Variants in DSC3 observed in about 807,000 individuals in gnomAD.
The protein encoded by DSC3 is desmocollin-3.
Under a neutral mutation model 89.5 loss-of-function variants are expected in DSC3, and 97 were observed. The ratio of observed to expected loss-of-function variants is 1.08; its 90% CI spans 0.92 to 1.28. The LOEUF (loss-of-function observed/expected upper bound fraction) is 1.28. Among genes scored for constraint, DSC3 ranks in the 50% most tolerant of loss-of-function variants. The pLI is 0.00. For missense variants in DSC3, 1,199 were observed against 1,085.3 expected, an observed-to-expected ratio of 1.10 and a Z score of -1.47; for synonymous variants, 436 against 384.1, an observed-to-expected ratio of 1.14 and a Z score of -1.58.
intron 14 of DSC3, among the ~76,000 whole-genome samples, chr18:31,001,089 G>GTGTATATATATATATATATA (rs141615987): frequency 0.03 from 3,689 of 124,752 alleles, 107 homozygotes; most frequent in East Asian, 0.046. Context: ...TTGTGTGTGT[G>GTGTATATATATATATATATA]TATATATATA....
At position 30,997,769 on chromosome 18, in the gene DSC3, C is replaced by T. The variant is rs117533692; in HGVS notation, c.2236-721G>A. 7.4e-4 allele frequency among the ~76,000 whole-genome samples: 113 copies of T among 152,214 alleles called. 1 individual carries two copies. In the East Asian group the frequency reaches 0.021, roughly 28 times the overall value. On this transcript the variant is annotated intron_variant, in intron 14 of 15. Transcript: ENST00000360428. The stretch of plus-strand genomic sequence containing the variant: ...AGCACAGAAGTAGAGCATTAAAATT[C>T]AAATCCAAACAGGGTAGGTGGAATA...
chr18:31,016,776 C>T (rs746811751), intron 9 of DSC3, among the ~76,000 whole-genome samples: 4 of 152,154 alleles, frequency 2.6e-5, no homozygotes, highest in African/African-American at 9.7e-5. Flanking sequence ...GGGGTAAATA[C>T]CCCAAGTATC....
intron 14 of DSC3, among the ~76,000 whole-genome samples, chr18:31,000,629 T>A (rs545372823): frequency 1.3e-5 from 2 of 152,342 alleles, no homozygotes; most frequent in African/African-American, 4.8e-5. Context: ...CTATTCTAAA[T>A]CAATTTATTT....
chr18:30,999,251 TTAAC>T (rs1349492607), intron 14 of DSC3, among the ~76,000 whole-genome samples: 1 of 152,100 alleles, frequency 6.6e-6, no homozygotes, highest in African/African-American at 2.4e-5. Context: ...AATGCAGTCT[TTAAC>T]TAAATTGAAA....
intron 7 of DSC3, among the ~76,000 whole-genome samples, chr18:31,020,897 G>A (rs1985396002): frequency 6.6e-6 from 1 of 152,106 alleles, no homozygotes; most frequent in Admixed American, 6.6e-5. Flanking sequence ...CACCATGTCT[G>A]TGCCATTGCA....
In DSC3 at chr18:31,008,126, A is replaced by T; in HGVS notation, c.1553T>A (p.Ile518Asn). 1.2e-6 allele frequency: 2 copies of T among 1,612,754 alleles called. No individual in the cohort carries two copies. The highest frequency in any genetic ancestry group is 8.5e-7 in the Non-Finnish European group (1 of 1,179,270). Residue 518 changes from isoleucine to asparagine, a missense_variant, in exon 11 of 16, where the codon ATC (isoleucine) becomes AAC (asparagine). Physicochemically the swap from Ile to Asn is moderately radical, Grantham distance 149. Transcript: ENST00000360428. ...TGACCCTGAAATTTCATCAATGGTG[A>T]TCCAACCTTTAGGATCATGCAATTT... ...YKKLHDPKGWITIDEISGSII... is the reference protein window; with the variant it reads ...YKKLHDPKGWNTIDEISGSII...
In DSC3 at chr18:31,001,614, T is replaced by G. The variant is rs1288750788; in HGVS notation, c.2235+4A>C. The G allele has an allele frequency of 2.5e-6, 4 of 1,609,186 alleles. No individual in the cohort carries two copies. The highest frequency in any genetic ancestry group is 1.7e-4 in the Middle Eastern group (1 of 6,018). Reference sequence around the variant, plus strand: ...AAATACATATTTATTTAAAAATTACTTACCACTCTATCGTCTCCAGGTGCT... The same window carrying G: ...AAATACATATTTATTTAAAAATTACGTACCACTCTATCGTCTCCAGGTGCT... On this transcript the variant is annotated splice_donor_region_variant and intron_variant, in intron 14 of 15. Transcript: ENST00000360428.
intron 1 of DSC3, among the ~76,000 whole-genome samples, chr18:31,036,417 G>A (rs559830346): frequency 4.6e-5 from 7 of 151,706 alleles, no homozygotes; most frequent in Admixed American, 1.3e-4. Context: ...TTTCTTGTAG[G>A]TTTACTTAGT....
At chr18:31,005,682 A>G (rs1007300761) in intron 12 of DSC3, among the ~76,000 whole-genome samples, 1 of 152,232 alleles carries the variant, frequency 6.6e-6, no homozygotes, top group African/African-American at 2.4e-5. Context: ...GTATCTACTA[A>G]GCATTAGGCT....
intron 9 of DSC3, among the ~76,000 whole-genome samples, chr18:31,015,999 A>G (rs529092917): frequency 6.6e-6 from 1 of 152,264 alleles, no homozygotes; most frequent in South Asian, 2.1e-4. Flanking sequence ...TGCTCATTAT[A>G]TGCTAATTAT....
At chr18:31,038,941 A>G (rs1697219240) in intron 1 of DSC3, among the ~76,000 whole-genome samples, 1 of 152,048 alleles carries the variant, frequency 6.6e-6, no homozygotes, top group South Asian at 2.1e-4. Flanking sequence ...GTTTCTTGAA[A>G]CTATGAAGTC....
Position 31,029,284 on chromosome 18 carries a change from C to T in DSC3, c.474+225G>A, listed in dbSNP as rs957405954. Among the ~76,000 whole-genome samples, 3 of 152,106 alleles carry T rather than the reference C, an allele frequency of 2.0e-5. No homozygotes were observed. The East Asian group carries it at 5.8e-4, about 29-fold the overall frequency. ...GATATAGTTAAGTGCTCAGTAACTC[C>T]CTGCTAAATAAATGAATAAACAAAT... is the stretch of plus-strand genomic sequence containing the variant. On this transcript the variant is annotated intron_variant, in intron 4 of 15. Transcript: ENST00000360428.
intron 9 of DSC3, among the ~76,000 whole-genome samples, chr18:31,014,252 A>T (rs890390258): frequency 1.3e-5 from 2 of 152,094 alleles, no homozygotes; most frequent in African/African-American, 4.8e-5. Context: ...TCCAATGTAT[A>T]TATAATGAAC....
intron 7 of DSC3, among the ~76,000 whole-genome samples, chr18:31,021,373 A>G (rs1324277235): frequency 1.3e-5 from 2 of 152,090 alleles, no homozygotes; most frequent in Admixed American, 6.6e-5. Flanking sequence ...CCCACTTACT[A>G]TTATCCTTAT....
intron 9 of DSC3, among the ~76,000 whole-genome samples, chr18:31,009,780 T>C (rs2144695161): frequency 6.6e-6 from 1 of 152,298 alleles, no homozygotes; most frequent in Non-Finnish European, 1.5e-5. Flanking sequence ...GGAGATAAAC[T>C]GATTTTTTTT....
chr18:31,025,620 G>A, intron 5 of DSC3, 140 bp downstream of exon 5: 1 of 910,558 alleles, frequency 1.1e-6, no homozygotes, highest in Non-Finnish European at 1.7e-6. Flanking sequence ...ATTCCAAAAT[G>A]TTGCACATTC....
At chr18:31,032,330 A>G in intron 1 of DSC3, 54 bp from the exon 2 acceptor site, 5 of 1,355,840 alleles carry the variant, frequency 3.7e-6, no homozygotes, top group Non-Finnish European at 5.3e-6. Flanking sequence ...TAAAAAAAAC[A>G]TAATCATATC....
At chr18:31,025,035 C>T (rs1171736739) in intron 5 of DSC3, among the ~76,000 whole-genome samples, 1 of 152,132 alleles carries the variant, frequency 6.6e-6, no homozygotes, top group Non-Finnish European at 1.5e-5. Flanking sequence ...GATTACAACA[C>T]TGAACTGAAA....
chr18:31,007,043 A>G lies in DSC3; in HGVS notation c.1752T>C (p.Ile584=). ...CGGTATACCCCATTTTTGGTTTGCA[A>G]ATGACTACATATTCTTGAAGTATTT... ...PPEILQEYVV[I]CKPKMGYTDI... is the part of the protein sequence containing the mutation. The change falls in exon 12 of 16, where the codon ATT becomes ATC. Residue 584 remains isoleucine (I), a synonymous_variant. Coordinates refer to ENST00000360428, the MANE Select transcript of DSC3 (RefSeq NM_001941.5). 2 of 1,614,010 alleles carry G rather than the reference A, an allele frequency of 1.2e-6. No individual in the cohort carries two copies. The highest frequency in any genetic ancestry group is 2.2e-5 in the East Asian group (1 of 44,846).
Sources: gnomAD v4.1 joint callset for allele counts (sites outside exome capture counted in the v4.1 genomes callset) on GRCh38, gnomAD v4.1.1 for gene constraint, MANE v1.5 for transcripts, NCBI Gene and HGNC (gene_info 2026-07-23, HGNC 2026-07-21) for gene names.